Variants in RPH3AL observed in about 807,000 individuals in gnomAD.
RPH3AL encodes rab effector Noc2.
Under a neutral mutation model 43.1 loss-of-function variants are expected in RPH3AL, and 38 were observed. The observed-to-expected ratio is 0.88, with a 90% CI of 0.68 to 1.15. RPH3AL has a LOEUF of 1.15. RPH3AL is among the 50% of genes most tolerant of loss of function. The pLI, the probability that RPH3AL is intolerant of heterozygous loss-of-function variation, is 0.00. For missense variants in RPH3AL, 462 were observed against 423.2 expected (o/e 1.09, Z -0.81); for synonymous variants, 189 against 176.3 (o/e 1.07, Z -0.57).
Position 333,304 on chromosome 17 carries a change from G to A in RPH3AL, c.-37+455C>T. 2 of 1,286,170 alleles carry A rather than the reference G, an allele frequency of 1.6e-6. No homozygotes were observed. Among genetic ancestry groups the A allele is most frequent in the South Asian group, 2.5e-5 (2 of 80,888 alleles). 79.7% of individuals were successfully genotyped at this position (1,286,170 alleles called of 1,614,324 possible). ...ACGTGGTCACTCCTGGGGGCGGTAG[G>A]ATATTTTATCCTAAAGAGAAAACAC... is the stretch of plus-strand genomic sequence containing the variant. On this transcript the variant is annotated intron_variant, in intron 2 of 9. Transcript: ENST00000331302. The surrounding 1 kb of genome is among the most constrained non-coding windows in gnomAD (Gnocchi z 4.5).
intron 1 of RPH3AL, among the ~76,000 whole-genome samples, chr17:339,893 G>C (rs544507927): frequency 6.6e-6 from 1 of 152,296 alleles, no homozygotes; most frequent in African/African-American, 2.4e-5. Flanking sequence ...CAGCCTGAAG[G>C]GGATTGCAGA....
At chr17:256,276 C>T (rs2042050509) in intron 6 of RPH3AL, among the ~76,000 whole-genome samples, 1 of 83,524 alleles carries the variant, frequency 1.2e-5, no homozygotes, top group African/African-American at 3.3e-5. Flanking sequence ...TGTCCTTTTC[C>T]ATCCCTAGGA....
intron 5 of RPH3AL, among the ~76,000 whole-genome samples, chr17:317,170 C>G (rs1298703634): frequency 1.3e-5 from 2 of 150,188 alleles, no homozygotes; most frequent in Non-Finnish European, 3.0e-5. Context: ...CCTTTAGTCC[C>G]TGTGCTCCAC....
chr17:231,291 G>A (rs2041224745), intron 7 of RPH3AL, among the ~76,000 whole-genome samples: 1 of 152,214 alleles, frequency 6.6e-6, no homozygotes, highest in Admixed American at 6.5e-5. Flanking sequence ...TGGGGTCTGT[G>A]GTCAGAGCTT....
chr17:321,811 C>T (rs77899056), intron 3 of RPH3AL, among the ~76,000 whole-genome samples: 2,459 of 152,296 alleles, frequency 0.016, 67 homozygotes, highest in African/African-American at 0.056. Context: ...CCGCCAGCTC[C>T]TGGGCCTTGG....
chr17:315,304 C>G (rs2043947651), intron 5 of RPH3AL, among the ~76,000 whole-genome samples: 1 of 152,160 alleles, frequency 6.6e-6, no homozygotes, highest in African/African-American at 2.4e-5. Flanking sequence ...CTCCAGTGAC[C>G]TGTAGTCCCT....
chr17:308,217 C>G (rs980532422), intron 5 of RPH3AL, among the ~76,000 whole-genome samples: 6 of 152,178 alleles, frequency 3.9e-5, no homozygotes, highest in Non-Finnish European at 7.3e-5. Context: ...TTCTACAGCT[C>G]CAGCAATGGA....
intron 3 of RPH3AL, 28 bp downstream of exon 3, chr17:327,439 C>T (rs190530378): frequency 3.0e-5 from 48 of 1,599,486 alleles, no homozygotes; most frequent in South Asian, 7.7e-5. Flanking sequence ...AAGGAAGGGA[C>T]GGCCTGGGGG....
chr17:296,154 C>G (rs1179190955), intron 5 of RPH3AL, among the ~76,000 whole-genome samples: 1 of 131,996 alleles, frequency 7.6e-6, no homozygotes, highest in African/African-American at 2.9e-5. Flanking sequence ...GTGGGAGGGA[C>G]AGAGGAGCTG....
Position 281,772 on chromosome 17 carries a change from CTT to C in RPH3AL, c.432_433del (p.Glu146GlyfsTer27), listed in dbSNP as rs2042785975. The C allele has an allele frequency of 1.2e-6, 2 of 1,613,362 alleles. No individual in the cohort carries two copies. Among genetic ancestry groups the C allele is most frequent in the Non-Finnish European group, 1.7e-6 (2 of 1,179,640 alleles). ...CCGTCACCCTGGACGCCCTACCTCT[CTT>C]TGCTCACTGCAGATCTTACACAGCC... On this transcript the variant is annotated frameshift_variant, in exon 6 of 10. Coordinates refer to ENST00000331302, the MANE Select transcript of RPH3AL (RefSeq NM_006987.4). LOFTEE classifies it high-confidence loss of function.
chr17:235,752 G>A, intron 7 of RPH3AL, among the ~76,000 whole-genome samples: 1 of 136,700 alleles, frequency 7.3e-6, no homozygotes, highest in African/African-American at 2.6e-5. Flanking sequence ...GACGGATCCA[G>A]GGTTCAAAGC....
chr17:243,311 C>T lies in RPH3AL; in HGVS notation c.613+3800G>A, dbSNP rs375077981. 4.9e-3 allele frequency among the ~76,000 whole-genome samples: 506 copies of T among 102,288 alleles called. 12 individuals are homozygous for T. Among genetic ancestry groups the T allele is most frequent in the South Asian group, 0.014 (37 of 2,562 alleles). The allele number at this position is 102,288 out of a possible 152,430, so 67.1% of individuals were successfully genotyped here. A position where few individuals can be genotyped will look rare whatever the true frequency, so the allele number is the denominator to read the frequency against. ...TCCTCTATTGATTACCTTTCCTCTA[C>T]TGATTACCTTCCTCTACTGATTGCC... On this transcript the variant is annotated intron_variant, in intron 7 of 9. Coordinates refer to ENST00000331302, the MANE Select transcript of RPH3AL (RefSeq NM_006987.4).
In RPH3AL at chr17:319,665, C is replaced by T. The variant is rs2044405060; in HGVS notation, c.222-116G>A. On this transcript the variant is annotated intron_variant, in intron 4 of 9. Transcript: ENST00000331302. ...TGTCCCCTCACCTGGGATATTGTTC[C>T]TTGCCCCGCCCTTCCCCTGGATAAC... is the stretch of plus-strand genomic sequence containing the variant. The T allele has an allele frequency of 4.8e-6, 6 of 1,259,848 alleles. No individual in the cohort carries two copies. The South Asian group carries it at 5.7e-5, about 12-fold the overall frequency. The allele number at this position is 1,259,848 out of a possible 1,614,324, so 78.0% of individuals were successfully genotyped here.
At chr17:343,854 T>C (rs981221112) in intron 1 of RPH3AL, among the ~76,000 whole-genome samples, 2 of 152,100 alleles carry the variant, frequency 1.3e-5, no homozygotes, top group African/African-American at 2.4e-5. Context: ...AGAGGTGGTG[T>C]AGGTAACACA....
intron 7 of RPH3AL, among the ~76,000 whole-genome samples, chr17:241,946 G>A (rs182568827): frequency 1.1e-4 from 16 of 151,922 alleles, no homozygotes; most frequent in Admixed American, 5.9e-4. Context: ...GCGAAACCCC[G>A]TCTCTACTAA....
intron 1 of RPH3AL, chr17:348,907 T>C (rs11869174): frequency 0.21 from 32,060 of 152,146 alleles, 3,639 homozygotes; most frequent in Non-Finnish European, 0.26. Flanking sequence ...TGTTAATCTC[T>C]GGAAGGTGCA....
chr17:338,067 G>A (rs1441727373), intron 1 of RPH3AL, among the ~76,000 whole-genome samples: 1 of 152,186 alleles, frequency 6.6e-6, no homozygotes, highest in Non-Finnish European at 1.5e-5. Context: ...CTGCCTACGT[G>A]TCCCCAGAGG....
intron 6 of RPH3AL, among the ~76,000 whole-genome samples, chr17:252,905 G>A (rs1364563970): frequency 1.3e-5 from 2 of 152,204 alleles, no homozygotes; most frequent in Non-Finnish European, 2.9e-5. Flanking sequence ...TCTGATGAAT[G>A]ATACTCAGCC....
intron 6 of RPH3AL, among the ~76,000 whole-genome samples, chr17:255,853 C>T (rs1321841763): frequency 7.8e-5 from 4 of 51,458 alleles, no homozygotes; most frequent in African/African-American, 2.8e-4. Context: ...TGAGGGGAGC[C>T]GCACGGCGTC....
Sources: gnomAD v4.1 joint callset for allele counts (sites outside exome capture counted in the v4.1 genomes callset) on GRCh38, gnomAD v4.1.1 for gene constraint, Gnocchi (gnomAD v3.1) non-coding constraint, MANE v1.5 for transcripts, NCBI Gene and HGNC (gene_info 2026-07-23, HGNC 2026-07-21) for gene names.